COL24A1: variants seen among roughly 807,000 people sequenced by gnomAD.
COL24A1 encodes the protein collagen alpha-1(XXIV) chain.
In COL24A1, 224 loss-of-function variants were observed where a neutral mutation model predicts 253.9. The observed-to-expected ratio is 0.88, with a 90% CI of 0.79 to 0.99. COL24A1 has a LOEUF of 0.99. Among genes scored for constraint, COL24A1 ranks in the 50% least tolerant of loss-of-function variants. The probability of loss-of-function intolerance (pLI) is 0.00; values close to 1 mark genes in which losing one functional copy is unlikely to be tolerated. For synonymous variants in COL24A1, 685 were observed against 673.7 expected (o/e 1.02, Z -0.26); for missense variants, 2,131 against 2,068.5 (o/e 1.03, Z -0.59).
chr1:86,049,264 TTC>T (rs1295641731), intron 11 of COL24A1, among the ~76,000 whole-genome samples: 1 of 152,238 alleles, frequency 6.6e-6, no homozygotes, highest in African/African-American at 2.4e-5. Flanking sequence ...CTTTGATTAT[TTC>T]TTCTCTGCAG....
At chr1:85,833,258 C>G (rs1675560510) in intron 43 of COL24A1, among the ~76,000 whole-genome samples, 1 of 152,102 alleles carries the variant, frequency 6.6e-6, no homozygotes, top group South Asian at 2.1e-4. Flanking sequence ...ACAATGAACT[C>G]AAGCAAATTT....
intron 19 of COL24A1, among the ~76,000 whole-genome samples, chr1:86,002,307 C>A (rs553868391): frequency 1.3e-5 from 2 of 152,152 alleles, no homozygotes; most frequent in Non-Finnish European, 2.9e-5. Flanking sequence ...CGCACCCCTG[C>A]GGAGATCGCA....
chr1:86,071,041 TAGAC>T (rs1311937999), intron 7 of COL24A1, among the ~76,000 whole-genome samples: 3 of 151,964 alleles, frequency 2.0e-5, no homozygotes, highest in East Asian at 1.9e-4. Context: ...TTACAAGACA[TAGAC>T]AGTATAAAAA....
At chr1:86,138,742 C>T (rs1238756434) in intron 2 of COL24A1, among the ~76,000 whole-genome samples, 1 of 151,860 alleles carries the variant, frequency 6.6e-6, no homozygotes, top group Non-Finnish European at 1.5e-5. Context: ...TAAGACATAC[C>T]CCTTACTTAT....
chr1:86,073,248 T>A (rs1446784038), intron 7 of COL24A1, among the ~76,000 whole-genome samples: 1 of 152,204 alleles, frequency 6.6e-6, no homozygotes, highest in Non-Finnish European at 1.5e-5. Flanking sequence ...GAGGAATTGC[T>A]AACTGGATTA....
chr1:86,011,092 T>A (rs1330234682), intron 19 of COL24A1, among the ~76,000 whole-genome samples: 1 of 152,182 alleles, frequency 6.6e-6, no homozygotes, highest in Admixed American at 6.5e-5. Context: ...CCCTGTAGAA[T>A]AATTTCTCTA....
chr1:85,816,340 C>T (rs1673037159), intron 47 of COL24A1, among the ~76,000 whole-genome samples: 1 of 152,064 alleles, frequency 6.6e-6, no homozygotes. Flanking sequence ...ATTAGATGAA[C>T]ACAGAGAAAA....
intron 1 of COL24A1, chr1:86,155,547 A>G (rs141014195): frequency 0.01 from 1,594 of 152,346 alleles, 18 homozygotes; most frequent in African/African-American, 0.036. Flanking sequence ...CCCTTTTCCC[A>G]GGGAAGGCAT....
intron 12 of COL24A1, among the ~76,000 whole-genome samples, chr1:86,044,040 TAAATTACCAGGAG>T (rs1699714588): frequency 6.6e-6 from 1 of 152,186 alleles, no homozygotes; most frequent in Non-Finnish European, 1.5e-5. Context: ...CATAATTTAA[TAAATTACCAGGAG>T]AACATGACCA....
chr1:86,077,995 A>T (rs981903344), intron 7 of COL24A1, among the ~76,000 whole-genome samples: 3 of 152,272 alleles, frequency 2.0e-5, no homozygotes, highest in South Asian at 2.1e-4. Context: ...TAAAAAAATT[A>T]AAAAAAGAAA....
At chr1:86,096,075 T>C (rs114194636) in intron 5 of COL24A1, among the ~76,000 whole-genome samples, 65 of 152,200 alleles carry the variant, frequency 4.3e-4, no homozygotes, top group African/African-American at 1.5e-3. Flanking sequence ...TTGAGATTTC[T>C]TCTCTGTAAA....
At chr1:86,105,116 T>G (rs570758139) in intron 5 of COL24A1, among the ~76,000 whole-genome samples, 11 of 152,190 alleles carry the variant, frequency 7.2e-5, no homozygotes, top group African/African-American at 2.6e-4. Context: ...CCAGTGGCAG[T>G]GTTGACACAG....
At chr1:85,803,801 T>A (rs1176556254) in intron 47 of COL24A1, among the ~76,000 whole-genome samples, 3 of 152,180 alleles carry the variant, frequency 2.0e-5, no homozygotes, top group Non-Finnish European at 2.9e-5. Flanking sequence ...TAAAGACAGT[T>A]TTACTTCTTC....
intron 5 of COL24A1, among the ~76,000 whole-genome samples, chr1:86,108,388 A>G (rs1705198589): frequency 6.6e-6 from 1 of 152,026 alleles, no homozygotes; most frequent in African/African-American, 2.4e-5. Context: ...AATGAAATAC[A>G]ATACTTTCCA....
At chr1:85,768,593 G>GGGC (rs397863192) in intron 53 of COL24A1, among the ~76,000 whole-genome samples, 1 of 141,646 alleles carries the variant, frequency 7.1e-6, no homozygotes, top group Non-Finnish European at 1.5e-5. Flanking sequence ...TGTGCGGGGG[G>GGGC]AGGGCTTATT....
chr1:85,889,205 A>T (rs1004238764), intron 32 of COL24A1, among the ~76,000 whole-genome samples: 1 of 152,088 alleles, frequency 6.6e-6, no homozygotes, highest in Non-Finnish European at 1.5e-5. Context: ...TGGTCTTCTA[A>T]TTATAGAAAT....
At chr1:86,144,728 T>A (rs1651640511) in intron 2 of COL24A1, among the ~76,000 whole-genome samples, 1 of 108,158 alleles carries the variant, frequency 9.2e-6, no homozygotes, top group Non-Finnish European at 2.0e-5. Context: ...GTTCTTCCAT[T>A]CATTAAGCTT....
At chr1:85,894,092 A>G (rs1226332920) in intron 31 of COL24A1, among the ~76,000 whole-genome samples, 1 of 152,212 alleles carries the variant, frequency 6.6e-6, no homozygotes, top group African/African-American at 2.4e-5. Context: ...GTGCTGAAGG[A>G]TCAAGTGAAC....
At chr1:86,120,180 A>G (rs1706596071) in intron 3 of COL24A1, among the ~76,000 whole-genome samples, 2 of 152,268 alleles carry the variant, frequency 1.3e-5, no homozygotes, top group Admixed American at 6.5e-5. Context: ...ACCTAAAACC[A>G]TAAAAATCCT....
Sources: allele counts gnomAD v4.1 joint callset (sites outside exome capture counted in the v4.1 genomes callset), GRCh38; gene constraint gnomAD v4.1.1; transcripts MANE v1.5; gene names NCBI Gene and HGNC (gene_info 2026-07-23, HGNC 2026-07-21).